Variants in COPG2 observed in about 807,000 individuals in gnomAD.
COPG2 encodes coat protein complex I subunit gamma 2.
In COPG2, 37 loss-of-function variants were observed where a neutral mutation model predicts 46.3. The observed-to-expected ratio is 0.80, with a 90% confidence interval of 0.61 to 1.05. COPG2 has a LOEUF of 1.05. Ranked by LOEUF, COPG2 falls within the 50% of genes least tolerant of loss-of-function variation. The pLI is 0.00. For missense variants in COPG2, 427 were observed against 387.8 expected, an observed-to-expected ratio of 1.10 and a Z score of -0.85; for synonymous variants, 159 against 129.7, an observed-to-expected ratio of 1.23 and a Z score of -1.53.
At chr7:130,524,451 G>T (rs1240219502) in intron 20 of COPG2, among the ~76,000 whole-genome samples, 7 of 152,158 alleles carry the variant, frequency 4.6e-5, no homozygotes, top group Admixed American at 4.6e-4. Context: ...GACATCAGGG[G>T]ATGAGTTTGC....
intron 9 of COPG2, among the ~76,000 whole-genome samples, chr7:130,599,452 T>C (rs1794594179): frequency 1.3e-5 from 2 of 152,180 alleles, no homozygotes; most frequent in Non-Finnish European, 2.9e-5. Flanking sequence ...TGGGTGGCAC[T>C]ACAGTTCAGA....
At chr7:130,599,209 C>T (rs1221403548) in intron 9 of COPG2, among the ~76,000 whole-genome samples, 2 of 152,174 alleles carry the variant, frequency 1.3e-5, no homozygotes, top group Non-Finnish European at 2.9e-5. Context: ...AGGAATAATA[C>T]TGGGTGGTCA....
rs1554440200 is a variant in COPG2, at chr7:130,506,811, G to A, written c.2486-5C>T. ...CATAGCCACCTCTGAATATACCTGA[G>A]AGAAAAAAGTAAGGAAAACCATATT... On this transcript the variant is annotated splice_polypyrimidine_tract_variant and splice_region_variant and intron_variant, in intron 23 of 23. Transcript: ENST00000425248. 2 of 766,256 alleles carry A rather than the reference G, an allele frequency of 2.6e-6. No homozygotes were observed. The highest frequency in any genetic ancestry group is 4.8e-6 in the Non-Finnish European group (2 of 413,102). The allele number at this position is 766,256 out of a possible 1,614,324, so 47.5% of individuals were successfully genotyped here. A position where few individuals can be genotyped will look rare whatever the true frequency, so the allele number is the denominator to read the frequency against.
chr7:130,562,015 T>C (rs1793729289), intron 11 of COPG2, among the ~76,000 whole-genome samples: 1 of 152,126 alleles, frequency 6.6e-6, no homozygotes, highest in Non-Finnish European at 1.5e-5. Flanking sequence ...CTGAGACACA[T>C]CTGGCCCCAA....
intron 4 of COPG2, among the ~76,000 whole-genome samples, chr7:130,662,449 C>T (rs1366169123): frequency 6.6e-6 from 1 of 152,208 alleles, no homozygotes; most frequent in Non-Finnish European, 1.5e-5. Flanking sequence ...GAAAAATGTA[C>T]ACAACACTTA....
intron 20 of COPG2, among the ~76,000 whole-genome samples, chr7:130,532,777 G>A (rs1799841318): frequency 6.6e-6 from 1 of 152,138 alleles, no homozygotes; most frequent in Non-Finnish European, 1.5e-5. Flanking sequence ...TCGTGAGCAT[G>A]GACAGCAGAG....
chr7:130,580,298 G>A (rs1398471685), intron 9 of COPG2, among the ~76,000 whole-genome samples: 3 of 145,228 alleles, frequency 2.1e-5, no homozygotes, highest in Non-Finnish European at 3.0e-5. Flanking sequence ...TGAAACCAAC[G>A]AGAACAAAGA....
intron 5 of COPG2, 87 bp downstream of exon 5, chr7:130,652,782 G>A: frequency 1.2e-6 from 1 of 824,694 alleles, no homozygotes. Flanking sequence ...ATTCCTATTG[G>A]CTTTCTTATG....
At chr7:130,621,612 C>T (rs112753877) in intron 5 of COPG2, among the ~76,000 whole-genome samples, 17,652 of 152,026 alleles carry the variant, frequency 0.12, 1,195 homozygotes, top group East Asian at 0.22. Flanking sequence ...GGTTCAAGAC[C>T]AGCCTGACCA....
chr7:130,534,665 T>A (rs1008197327), intron 20 of COPG2, among the ~76,000 whole-genome samples: 6 of 150,684 alleles, frequency 4.0e-5, no homozygotes, highest in African/African-American at 9.8e-5. Flanking sequence ...GAGGCAAGAG[T>A]GGAGGAAAGG....
At chr7:130,563,367 C>T in intron 10 of COPG2, 31 bp from the exon 11 acceptor site, 1 of 396,256 alleles carries the variant, frequency 2.5e-6, no homozygotes, top group Non-Finnish European at 4.4e-6. Context: ...TAATATGTAA[C>T]ATTAAGTAAT....
intron 4 of COPG2, among the ~76,000 whole-genome samples, chr7:130,657,952 G>T (rs1554460124): frequency 6.6e-6 from 1 of 152,126 alleles, no homozygotes. Context: ...TGGCGGGAAT[G>T]ATTACAAATA....
At chr7:130,580,384 G>C (rs1314561275) in intron 9 of COPG2, among the ~76,000 whole-genome samples, 1 of 106,464 alleles carries the variant, frequency 9.4e-6, no homozygotes, top group African/African-American at 3.7e-5. Context: ...ATGCCCACAA[G>C]AGAAAGCAGG....
chr7:130,508,418 G>A (rs185599314), intron 21 of COPG2, 144 bp downstream of exon 21: 8 of 605,048 alleles, frequency 1.3e-5, no homozygotes, highest in Admixed American at 5.8e-5. Context: ...GTTAGTCCAG[G>A]TCCTCCTAAT....
chr7:130,553,475 G>A (rs1793565867), intron 14 of COPG2, among the ~76,000 whole-genome samples: 1 of 152,038 alleles, frequency 6.6e-6, no homozygotes, highest in South Asian at 2.1e-4. Context: ...GAAATATTAA[G>A]GAGACACAAT....
intron 5 of COPG2, among the ~76,000 whole-genome samples, chr7:130,620,650 G>A (rs1446507996): frequency 6.6e-6 from 1 of 152,084 alleles, no homozygotes; most frequent in African/African-American, 2.4e-5. Flanking sequence ...AGTTTCACAG[G>A]TCCATAGATA....
chr7:130,534,732 T>C (rs1362996277), intron 20 of COPG2, among the ~76,000 whole-genome samples: 2 of 151,478 alleles, frequency 1.3e-5, no homozygotes, highest in African/African-American at 4.9e-5. Context: ...TAAACACAGG[T>C]GTAGTAAAGG....
chr7:130,603,922 C>A, intron 9 of COPG2: 1 of 495,600 alleles, frequency 2.0e-6, no homozygotes, highest in Non-Finnish European at 4.0e-6. Context: ...AAAAATAGTT[C>A]ATTAACACGT....
intron 9 of COPG2, among the ~76,000 whole-genome samples, chr7:130,606,524 G>T (rs1261521575): frequency 6.6e-6 from 1 of 152,180 alleles, no homozygotes; most frequent in East Asian, 1.9e-4. Flanking sequence ...TTATGTATTG[G>T]CAGAGAGCTT....
Sources: gnomAD v4.1 joint callset for allele counts (sites outside exome capture counted in the v4.1 genomes callset) on GRCh38, gnomAD v4.1.1 for gene constraint, MANE v1.5 for transcripts, NCBI Gene and HGNC (gene_info 2026-07-23, HGNC 2026-07-21) for gene names.